Variants in SORCS2 observed in about 807,000 individuals in gnomAD.
The protein encoded by SORCS2 is sortilin related VPS10 domain containing receptor 2, also known as VPS10 domain-containing receptor SorCS2.
A neutral mutation model predicts 141.6 loss-of-function variants in SORCS2; 100 were observed. The observed-to-expected ratio is 0.71, with a 90% CI of 0.60 to 0.83. The LOEUF is 0.83. SORCS2 is among the 40% of genes least tolerant of loss of function. SORCS2 has a pLI of 0.00. For synonymous variants in SORCS2, 789 were observed against 676.9 expected (o/e 1.17, Z -2.57); for missense variants, 1,646 against 1,560.2 (o/e 1.05, Z -0.93).
chr4:7,705,821 C>T (rs1353318350), intron 14 of SORCS2, among the ~76,000 whole-genome samples: 3 of 152,248 alleles, frequency 2.0e-5, no homozygotes, highest in South Asian at 2.1e-4. Flanking sequence ...GTGGATAAGC[C>T]GCCCAAGAGT....
chr4:7,340,023 A>G (rs943186188), intron 1 of SORCS2, among the ~76,000 whole-genome samples: 2 of 152,208 alleles, frequency 1.3e-5, no homozygotes, highest in African/African-American at 4.8e-5. Flanking sequence ...GATGCTGATA[A>G]TTAGGAGGCC....
intron 1 of SORCS2, among the ~76,000 whole-genome samples, chr4:7,229,763 CA>C (rs1711690471): frequency 6.6e-6 from 1 of 152,004 alleles, no homozygotes; most frequent in Admixed American, 6.6e-5. Context: ...GTCATGTGCT[CA>C]TGTATGAAGG....
chr4:7,621,181 C>T (rs2108828513), intron 3 of SORCS2, among the ~76,000 whole-genome samples: 1 of 152,280 alleles, frequency 6.6e-6, no homozygotes, highest in Non-Finnish European at 1.5e-5. Context: ...GGCAGCCCGC[C>T]CAGCCCTGAG....
rs60403055 is a variant in SORCS2 at position 7,403,997 on chromosome 4, ATTTTTTTTTT to A, written c.548+7649_548+7658del. On this transcript the variant is annotated intron_variant, in intron 2 of 26. Transcript: ENST00000507866. ...TATATATATATATATATATATATATATTTTTTTTTTTTTTTTAGTATCCATTTATGAGTGA... is the reference window on the plus strand; with the variant it reads ...TATATATATATATATATATATATATATTTTTTAGTATCCATTTATGAGTGA... 3.1e-3 allele frequency among the ~76,000 whole-genome samples: 58 copies of A among 18,976 alleles called. 1 individual carries two copies. The highest frequency in any genetic ancestry group is 0.029 in the East Asian group (23 of 798). 12.4% of individuals were successfully genotyped at this position (18,976 alleles called of 152,430 possible). A position where few individuals can be genotyped will look rare whatever the true frequency, so the allele number is the denominator to read the frequency against.
intron 2 of SORCS2, among the ~76,000 whole-genome samples, chr4:7,452,054 C>T (rs1320886065): frequency 1.3e-5 from 2 of 152,182 alleles, no homozygotes; most frequent in African/African-American, 4.8e-5. Context: ...GCACAGCCTT[C>T]CCCTCACCAC....
chr4:7,539,153 C>T (rs1047956713), intron 3 of SORCS2, among the ~76,000 whole-genome samples: 2 of 152,200 alleles, frequency 1.3e-5, no homozygotes, highest in African/African-American at 4.8e-5. Flanking sequence ...CACCACCCCC[C>T]AAAGCCTTCC....
chr4:7,335,608 G>A (rs552998693), intron 1 of SORCS2, among the ~76,000 whole-genome samples: 1 of 152,336 alleles, frequency 6.6e-6, no homozygotes, highest in African/African-American at 2.4e-5. Context: ...GCGGGCTGGG[G>A]TGGTTTTCCA....
intron 1 of SORCS2, among the ~76,000 whole-genome samples, chr4:7,296,439 G>GA (rs1717060918): frequency 6.6e-6 from 1 of 152,190 alleles, no homozygotes; most frequent in Non-Finnish European, 1.5e-5. Flanking sequence ...GACTCCTGGG[G>GA]ACAACCCAAA....
At chr4:7,403,997 A>ATATATATATATATATATATTTT (rs1265288820) in intron 2 of SORCS2, among the ~76,000 whole-genome samples, 2 of 19,000 alleles carry the variant, frequency 1.1e-4, no homozygotes, top group Non-Finnish European at 2.5e-4. Flanking sequence ...ATATATATAT[A>ATATATATATATATATATATTTT]TTTTTTTTTT....
intron 2 of SORCS2, among the ~76,000 whole-genome samples, chr4:7,404,934 A>T (rs1724877390): frequency 6.6e-6 from 1 of 152,038 alleles, no homozygotes; most frequent in South Asian, 2.1e-4. Context: ...TTGCCTAGAC[A>T]AATATTCAGA....
At chr4:7,293,256 A>T (rs2108881819) in intron 1 of SORCS2, among the ~76,000 whole-genome samples, 1 of 151,710 alleles carries the variant, frequency 6.6e-6, no homozygotes, top group Middle Eastern at 3.4e-3. Context: ...GTGAGCCGAG[A>T]TCGCGCCACT....
chr4:7,305,238 A>G (rs546385885), intron 1 of SORCS2, among the ~76,000 whole-genome samples: 8 of 152,116 alleles, frequency 5.3e-5, no homozygotes, highest in East Asian at 3.9e-4. Context: ...TCACCGTGTT[A>G]GCCAGGATGG....
At chr4:7,199,325 A>G (rs1727357318) in intron 1 of SORCS2, among the ~76,000 whole-genome samples, 1 of 152,026 alleles carries the variant, frequency 6.6e-6, no homozygotes, top group Non-Finnish European at 1.5e-5. Flanking sequence ...GTGCAGGGAG[A>G]GCAAGGTGGG....
intron 3 of SORCS2, among the ~76,000 whole-genome samples, chr4:7,574,823 C>T (rs1715641474): frequency 6.6e-6 from 1 of 152,124 alleles, no homozygotes; most frequent in African/African-American, 2.4e-5. Context: ...GCATGCTGTC[C>T]CCAGGGATGA....
chr4:7,306,752 C>T lies in SORCS2; in HGVS notation c.481-89536C>T, dbSNP rs76066996. Among the ~76,000 whole-genome samples, 316 of 152,228 alleles carry T rather than the reference C, an allele frequency of 2.1e-3. 1 individual carries two copies. The highest frequency in any genetic ancestry group is 6.0e-3 in the African/African-American group (248 of 41,550). ...GTGGACGGATCTCCATGCAGTGCAC[C>T]GTGCAGAGTCGCCTGGAGGCTGGAG... On this transcript the variant is annotated intron_variant, in intron 1 of 26. Transcript: ENST00000507866.
intron 1 of SORCS2, among the ~76,000 whole-genome samples, chr4:7,200,583 G>A (rs553984728): frequency 3.3e-5 from 5 of 152,308 alleles, no homozygotes; most frequent in African/African-American, 9.6e-5. Context: ...AATGGAGACC[G>A]GGAATGAAGT....
chr4:7,720,036 C>G (rs540995416), intron 18 of SORCS2, among the ~76,000 whole-genome samples: 1 of 152,144 alleles, frequency 6.6e-6, no homozygotes, highest in Non-Finnish European at 1.5e-5. Context: ...CTGGTACACA[C>G]GCTCACACAT....
At chr4:7,503,814 C>T (rs2109437604) in intron 2 of SORCS2, among the ~76,000 whole-genome samples, 1 of 152,214 alleles carries the variant, frequency 6.6e-6, no homozygotes, top group East Asian at 1.9e-4. Flanking sequence ...TGCTGGCTAT[C>T]ACATTTCAAT....
At chr4:7,697,162 C>A in intron 11 of SORCS2, 36 bp from the exon 12 acceptor site, 3 of 1,526,554 alleles carry the variant, frequency 2.0e-6, no homozygotes, top group South Asian at 1.2e-5. Context: ...GCTGGACGAT[C>A]CTAAGGGTAG....
Sources: gnomAD v4.1 joint callset for allele counts (sites outside exome capture counted in the v4.1 genomes callset) on GRCh38, gnomAD v4.1.1 for gene constraint, MANE v1.5 for transcripts, NCBI Gene and HGNC (gene_info 2026-07-23, HGNC 2026-07-21) for gene names.